RARB: variants seen among roughly 807,000 people sequenced by gnomAD.
RARB encodes HBV-activated protein.
A neutral mutation model predicts 51.9 loss-of-function variants in RARB; 17 were observed. The observed-to-expected ratio is 0.33, with a 90% CI of 0.22 to 0.49. The LOEUF (loss-of-function observed/expected upper bound fraction) is 0.49. RARB is among the 20% of genes least tolerant of loss of function. The pLI is 0.99. For synonymous variants in RARB, 215 were observed against 195.4 expected, an observed-to-expected ratio of 1.10 and a Z score of -0.84; for missense variants, 369 against 550.8, an observed-to-expected ratio of 0.67 and a Z score of 3.30.
At chr3:24,895,835 A>T (rs531658652) in intron 2 of RARB, among the ~76,000 whole-genome samples, 4 of 152,206 alleles carry the variant, frequency 2.6e-5, no homozygotes, top group Non-Finnish European at 5.9e-5. Flanking sequence ...GAAGCATAGA[A>T]TAACGTCCAG....
At chr3:25,065,856 G>C (rs1472673763) in intron 3 of RARB, among the ~76,000 whole-genome samples, 1 of 152,104 alleles carries the variant, frequency 6.6e-6, no homozygotes, top group South Asian at 2.1e-4. Flanking sequence ...CTGTTACCTG[G>C]TATATCCTGT....
chr3:25,168,404 TTAG>T (rs924174061), intron 4 of RARB, among the ~76,000 whole-genome samples: 2 of 152,062 alleles, frequency 1.3e-5, no homozygotes, highest in African/African-American at 4.8e-5. Context: ...TTTTGCATTT[TTAG>T]TAGAGACAGG....
chr3:25,078,534 A>T (rs375504153), intron 3 of RARB, among the ~76,000 whole-genome samples: 47 of 141,278 alleles, frequency 3.3e-4, no homozygotes, highest in Non-Finnish European at 3.9e-4. Flanking sequence ...CCAACTTTCT[A>T]TTTTTTTTTT....
At chr3:25,590,607 C>T (rs1367418008) in intron 5 of RARB, among the ~76,000 whole-genome samples, 1 of 152,084 alleles carries the variant, frequency 6.6e-6, no homozygotes, top group African/African-American at 2.4e-5. Context: ...TGCAACCTCC[C>T]CCTCCCAGTT....
At chr3:24,923,814 A>T (rs1695265272) in intron 2 of RARB, among the ~76,000 whole-genome samples, 1 of 152,294 alleles carries the variant, frequency 6.6e-6, no homozygotes, top group African/African-American at 2.4e-5. Context: ...ATAACTAGAA[A>T]TTCCTGTTCC....
chr3:25,315,273 C>G (rs1478326550), intron 5 of RARB, among the ~76,000 whole-genome samples: 1 of 152,162 alleles, frequency 6.6e-6, no homozygotes, highest in Non-Finnish European at 1.5e-5. Flanking sequence ...CTCAACTCCC[C>G]CTAACCAGTC....
At chr3:25,068,133 C>CAAAAAAAAAAAAAAAAAAAAAA (rs55826425) in intron 3 of RARB, among the ~76,000 whole-genome samples, 1 of 33,268 alleles carries the variant, frequency 3.0e-5, no homozygotes, top group Non-Finnish European at 5.3e-5. Context: ...GACTCCATCT[C>CAAAAAAAAAAAAAAAAAAAAAA]AAAAAAAAAA....
chr3:24,958,195 T>C (rs1696058728), intron 2 of RARB, among the ~76,000 whole-genome samples: 1 of 149,562 alleles, frequency 6.7e-6, no homozygotes, highest in South Asian at 2.1e-4. Context: ...CATTCAACTG[T>C]TGGACGTGTT....
intron 5 of RARB, among the ~76,000 whole-genome samples, chr3:25,354,041 C>A (rs1207410741): frequency 6.6e-6 from 1 of 151,366 alleles, no homozygotes; most frequent in African/African-American, 2.4e-5. Flanking sequence ...CCCAAACCCC[C>A]CACCCCCACC....
chr3:25,538,250 C>T (rs562533709), intron 3 of RARB, among the ~76,000 whole-genome samples: 1 of 152,192 alleles, frequency 6.6e-6, no homozygotes, highest in East Asian at 1.9e-4. Flanking sequence ...AGGTTTACAC[C>T]CATTTCATAA....
intron 5 of RARB, among the ~76,000 whole-genome samples, chr3:25,242,012 C>T (rs932193420): frequency 1.3e-5 from 2 of 152,146 alleles, no homozygotes; most frequent in African/African-American, 4.8e-5. Context: ...CTTTAACTGG[C>T]GTGAGATGGT....
At chr3:25,381,435 G>A (rs746909744) in intron 5 of RARB, among the ~76,000 whole-genome samples, 8 of 152,232 alleles carry the variant, frequency 5.3e-5, no homozygotes, top group Admixed American at 3.9e-4. Context: ...TTACTTCTCC[G>A]GATCACATTT....
chr3:25,299,482 G>A (rs1703990358), intron 5 of RARB, among the ~76,000 whole-genome samples: 1 of 152,216 alleles, frequency 6.6e-6, no homozygotes, highest in Admixed American at 6.5e-5. Flanking sequence ...TTACAGACAT[G>A]AGCCACCACA....
intron 4 of RARB, among the ~76,000 whole-genome samples, chr3:25,576,508 G>A (rs1700939552): frequency 6.6e-6 from 1 of 152,274 alleles, no homozygotes; most frequent in East Asian, 1.9e-4. Flanking sequence ...TGAACCCCAG[G>A]AGTGAAGGGG....
chr3:25,083,285 C>A (rs906496579), intron 3 of RARB, among the ~76,000 whole-genome samples: 14 of 152,096 alleles, frequency 9.2e-5, no homozygotes, highest in African/African-American at 3.4e-4. Flanking sequence ...ATCCTAATTG[C>A]ATGTATGGTA....
At chr3:25,192,988 A>G (rs1371444708) in intron 5 of RARB, among the ~76,000 whole-genome samples, 1 of 152,044 alleles carries the variant, frequency 6.6e-6, no homozygotes, top group African/African-American at 2.4e-5. Flanking sequence ...CTCTAAATAA[A>G]TGTTGCTTCA....
At chr3:24,893,887 C>A (rs1703433239) in intron 2 of RARB, among the ~76,000 whole-genome samples, 2 of 152,082 alleles carry the variant, frequency 1.3e-5, no homozygotes. Context: ...GTAACACTTT[C>A]ACTTGCTTTT....
intron 5 of RARB, among the ~76,000 whole-genome samples, chr3:25,256,530 T>C (rs1305175558): frequency 1.3e-5 from 2 of 152,190 alleles, no homozygotes; most frequent in African/African-American, 4.8e-5. Context: ...CCATGTTGTT[T>C]TAAAAATTCT....
intron 5 of RARB, among the ~76,000 whole-genome samples, chr3:25,369,396 G>T (rs1706231556): frequency 6.6e-6 from 1 of 152,098 alleles, no homozygotes; most frequent in Non-Finnish European, 1.5e-5. Context: ...AGGGACCTGA[G>T]AATACAATAA....
Sources: gnomAD v4.1 joint callset for allele counts (sites outside exome capture counted in the v4.1 genomes callset) on GRCh38, gnomAD v4.1.1 for gene constraint, MANE v1.5 for transcripts, NCBI Gene and HGNC (gene_info 2026-07-23, HGNC 2026-07-21) for gene names.